The following ASPH variants were observed in gnomAD, a reference collection of about 807,000 sequenced individuals.
ASPH encodes the protein aspartate beta-hydroxylase, also known as aspartyl/asparaginyl beta-hydroxylase.
In ASPH, 100 loss-of-function variants were observed where a neutral mutation model predicts 118.4. That is an observed-to-expected ratio of 0.84 (90% CI 0.72 to 1.00). The LOEUF (loss-of-function observed/expected upper bound fraction) is 1.00. ASPH is among the 50% of genes least tolerant of loss of function. The probability of loss-of-function intolerance (pLI) is 0.00; values close to 1 mark genes in which losing one functional copy is unlikely to be tolerated. For missense variants in ASPH, 920 were observed against 919.5 expected (o/e 1.00, Z -0.01); for synonymous variants, 315 against 325.6 (o/e 0.97, Z 0.35).
chr8:61,578,112 T>TA, intron 15 of ASPH: 1 of 1,201,570 alleles, frequency 8.3e-7, no homozygotes, highest in South Asian at 1.6e-5. Flanking sequence ...AGGTATTGGA[T>TA]AAATGCTCCC....
In ASPH at chr8:61,664,836, A is replaced by G. The variant is rs1818722988; in HGVS notation, c.323-11176T>C. ...AGGGAAGCAGGAAGGGGAAGGAGGG[A>G]AGAAAACAACGAGCAAATCCATCTC... On this transcript the variant is annotated intron_variant, in intron 3 of 24. Coordinates refer to ENST00000379454, the MANE Select transcript of ASPH (RefSeq NM_004318.4). The G allele has an allele frequency of 4.0e-6, 4 of 989,474 alleles. No individual in the cohort carries two copies. The South Asian group carries it at 1.9e-4, about 46-fold the overall frequency. 61.3% of individuals were successfully genotyped at this position (989,474 alleles called of 1,614,324 possible).
At chr8:61,543,852 T>C (rs1455484025) in intron 21 of ASPH, among the ~76,000 whole-genome samples, 1 of 152,222 alleles carries the variant, frequency 6.6e-6, no homozygotes, top group Non-Finnish European at 1.5e-5. Context: ...GTGAAATCTC[T>C]ATTGCCTGTA....
intron 1 of ASPH, among the ~76,000 whole-genome samples, chr8:61,686,219 T>C (rs897065222): frequency 6.6e-6 from 1 of 152,172 alleles, no homozygotes; most frequent in African/African-American, 2.4e-5. Context: ...AAAAACGTAA[T>C]TTATGTATTA....
intron 16 of ASPH, among the ~76,000 whole-genome samples, chr8:61,574,725 T>C (rs1164613881): frequency 6.6e-6 from 1 of 152,066 alleles, no homozygotes; most frequent in African/African-American, 2.4e-5. Flanking sequence ...GGGATAGCAT[T>C]AGGAGAAATA....
intron 14 of ASPH, among the ~76,000 whole-genome samples, chr8:61,618,072 G>C (rs1849665164): frequency 6.6e-6 from 1 of 151,844 alleles, no homozygotes; most frequent in Non-Finnish European, 1.5e-5. Flanking sequence ...CTATATCCTT[G>C]TACTACTTTG....
Position 61,624,765 on chromosome 8 carries a change from CTA to C in ASPH, c.935-5748_935-5747del, listed in dbSNP as rs570659523. 3.1e-4 allele frequency: 307 copies of C among 985,802 alleles called. 1 individual carries two copies. In the African/African-American group the frequency reaches 4.5e-3, roughly 14 times the overall value. The allele number at this position is 985,802 out of a possible 1,614,324, so 61.1% of individuals were successfully genotyped here. A position where few individuals can be genotyped will look rare whatever the true frequency, so the allele number is the denominator to read the frequency against. ...ACTTACTTTTACTCATTCATCAGTT[CTA>C]TGTCACTCCTTAGTTTCCCTAAAAA... On this transcript the variant is annotated intron_variant, in intron 13 of 24. Coordinates refer to ENST00000379454, the MANE Select transcript of ASPH (RefSeq NM_004318.4).
At chr8:61,596,264 C>T (rs879121615) in intron 14 of ASPH, among the ~76,000 whole-genome samples, 1 of 152,192 alleles carries the variant, frequency 6.6e-6, no homozygotes, top group Admixed American at 6.5e-5. Flanking sequence ...GCCAGCCTGC[C>T]ACCTCTACTG....
Position 61,500,978 on chromosome 8 carries a change from T to A in ASPH, c.*2381A>T, listed in dbSNP as rs1371675830. 1 of 152,144 alleles carries A rather than the reference T, an allele frequency of 6.6e-6. No homozygotes were observed. The highest frequency in any genetic ancestry group is 1.9e-4 in the East Asian group (1 of 5,198). 9.4% of individuals were successfully genotyped at this position (152,144 alleles called of 1,614,324 possible). ...TCTCAATGGATCTAATGTTTTAATT[T>A]TTTCCCCTATTGGTAGAGAACAATA... On this transcript the variant is annotated 3_prime_UTR_variant, in exon 25 of 25. Transcript: ENST00000379454.
At chr8:61,545,564 A>G (rs1823535755) in intron 21 of ASPH, among the ~76,000 whole-genome samples, 1 of 152,238 alleles carries the variant, frequency 6.6e-6, no homozygotes, top group South Asian at 2.1e-4. Context: ...CATTTGGGGA[A>G]CATAGCTTTG....
intron 13 of ASPH, among the ~76,000 whole-genome samples, chr8:61,620,471 A>G (rs1371026910): frequency 1.3e-5 from 2 of 152,130 alleles, no homozygotes; most frequent in Non-Finnish European, 2.9e-5. Context: ...GTGCTGCAAG[A>G]ATAATGCAGG....
intron 18 of ASPH, among the ~76,000 whole-genome samples, chr8:61,561,611 T>G (rs1042183864): frequency 2.6e-5 from 4 of 152,174 alleles, no homozygotes; most frequent in Non-Finnish European, 5.9e-5. Flanking sequence ...ACTGCTGTTC[T>G]TGATGGCATT....
intron 3 of ASPH, chr8:61,680,744 A>G: frequency 3.1e-6 from 1 of 326,808 alleles, no homozygotes; most frequent in Non-Finnish European, 5.5e-6. Flanking sequence ...TTATCAAAAG[A>G]TATATGTGTA....
chr8:61,662,583 G>GT (rs1215915901), intron 3 of ASPH, among the ~76,000 whole-genome samples: 1 of 152,176 alleles, frequency 6.6e-6, no homozygotes, highest in Non-Finnish European at 1.5e-5. Context: ...CTGAAAGCTT[G>GT]TTTTTAGTTG....
intron 22 of ASPH, among the ~76,000 whole-genome samples, chr8:61,522,106 T>C (rs925569200): frequency 6.6e-6 from 1 of 152,214 alleles, no homozygotes; most frequent in South Asian, 2.1e-4. Context: ...AAGAGCAAAA[T>C]AGACGTTCCA....
In ASPH at chr8:61,540,945, A is replaced by T. The variant is rs554609666; in HGVS notation, c.1764+7126T>A. On this transcript the variant is annotated intron_variant, in intron 21 of 24. Coordinates refer to ENST00000379454, the MANE Select transcript of ASPH (RefSeq NM_004318.4). ...CCATCTTTATAATTTTAAAAATAAG[A>T]ATTGAAAAAAAAATTAAGAAAGGGA... Among the ~76,000 whole-genome samples the T allele has an allele frequency of 2.6e-5, 4 of 151,366 alleles. No individual in the cohort carries two copies. In the South Asian group the frequency reaches 6.2e-4, roughly 24 times the overall value.
At chr8:61,689,150 CAAAGTT>C (rs1379569746) in intron 1 of ASPH, among the ~76,000 whole-genome samples, 1 of 152,124 alleles carries the variant, frequency 6.6e-6, no homozygotes, top group South Asian at 2.1e-4. Context: ...AAGAATACTT[CAAAGTT>C]AAAGAGTCAA....
At chr8:61,645,557 T>G (rs1348595035) in intron 6 of ASPH, among the ~76,000 whole-genome samples, 2 of 152,204 alleles carry the variant, frequency 1.3e-5, no homozygotes, top group African/African-American at 4.8e-5. Flanking sequence ...ATGACATAAA[T>G]GATTACTAAA....
rs1298989846 is a variant in ASPH, at chr8:61,501,261, T to C, written c.*2098A>G. On this transcript the variant is annotated 3_prime_UTR_variant, in exon 25 of 25. Transcript: ENST00000379454. The stretch of plus-strand genomic sequence containing the variant: ...GAAAATCCATTTTATTGCTTGGGTT[T>C]AAAATAGTTGTGGGATACAAGTATT... The C allele has an allele frequency of 6.6e-6, 1 of 152,178 alleles. No homozygotes were observed. Among genetic ancestry groups the C allele is most frequent in the African/African-American group, 2.4e-5 (1 of 41,460 alleles). The allele number at this position is 152,178 out of a possible 1,614,324, so 9.4% of individuals were successfully genotyped here. A position where few individuals can be genotyped will look rare whatever the true frequency, so the allele number is the denominator to read the frequency against.
chr8:61,586,960 C>G (rs1027432528), intron 14 of ASPH, among the ~76,000 whole-genome samples: 1 of 152,186 alleles, frequency 6.6e-6, no homozygotes, highest in Non-Finnish European at 1.5e-5. Context: ...CATGGAAGAA[C>G]TAAGGCTGTT....
Sources: gnomAD v4.1 joint callset for allele counts (sites outside exome capture counted in the v4.1 genomes callset) on GRCh38, gnomAD v4.1.1 for gene constraint, MANE v1.5 for transcripts, NCBI Gene and HGNC (gene_info 2026-07-23, HGNC 2026-07-21) for gene names.